Variants in EYS observed in about 807,000 individuals in gnomAD.
EYS encodes EGF-like photoreceptor maintenance factor, also known as protein eyes shut homolog.
A neutral mutation model predicts 282.1 loss-of-function variants in EYS; 250 were observed. That is an observed-to-expected ratio of 0.89 (90% CI 0.80 to 0.98). The LOEUF is 0.98. Among genes scored for constraint, EYS ranks in the 50% least tolerant of loss-of-function variants. EYS has a pLI of 0.00. For missense variants in EYS, 4,016 were observed against 3,709.0 expected (o/e 1.08, Z -2.15); for synonymous variants, 1,355 against 1,282.9 (o/e 1.06, Z -1.20).
chr6:65,006,520 A>AAAT (rs1554141479), intron 13 of EYS, among the ~76,000 whole-genome samples: 2 of 135,088 alleles, frequency 1.5e-5, no homozygotes, highest in African/African-American at 6.4e-5. Flanking sequence ...AAAAAAAAAA[A>AAAT]AAAGCAAAAA....
intron 12 of EYS, among the ~76,000 whole-genome samples, chr6:65,115,527 G>A (rs1318382917): frequency 1.3e-5 from 2 of 151,936 alleles, no homozygotes; most frequent in Non-Finnish European, 2.9e-5. Flanking sequence ...CTGACACTAT[G>A]TTAAAGGGAG....
At chr6:64,670,745 G>A (rs992779) in intron 22 of EYS, among the ~76,000 whole-genome samples, 144,854 of 152,204 alleles carry the variant, frequency 0.95, 69,326 homozygotes, top group East Asian at 1. Context: ...AAAGACATAA[G>A]TACATTTCAT....
intron 22 of EYS, among the ~76,000 whole-genome samples, chr6:64,686,390 G>T (rs938234085): frequency 4.0e-5 from 6 of 151,362 alleles, no homozygotes; most frequent in African/African-American, 4.8e-5. Context: ...GAAGTAAAAA[G>T]GAAATAAAAC....
intron 19 of EYS, among the ~76,000 whole-genome samples, chr6:64,845,148 G>A (rs1583216533): frequency 1.3e-5 from 2 of 151,964 alleles, no homozygotes; most frequent in East Asian, 1.9e-4. Flanking sequence ...AAAATTAGAC[G>A]ATTATGGTGG....
chr6:65,257,368 T>A, intron 12 of EYS, among the ~76,000 whole-genome samples: 1 of 110,272 alleles, frequency 9.1e-6, no homozygotes, highest in Non-Finnish European at 1.8e-5. Context: ...TGAATGGTAA[T>A]GCCTAGGTTT....
Position 65,264,469 on chromosome 6 carries a change from G to A in EYS, c.2023+31394C>T, listed in dbSNP as rs558568055. 3.3e-5 allele frequency among the ~76,000 whole-genome samples: 5 copies of A among 152,074 alleles called. No individual in the cohort carries two copies. In the South Asian group the frequency reaches 1.0e-3, roughly 32 times the overall value. On this transcript the variant is annotated intron_variant, in intron 12 of 42. Coordinates refer to ENST00000503581, the MANE Select transcript of EYS (RefSeq NM_001142800.2). Reference sequence around the variant, plus strand: ...ATTCACTTAAAACACCAAAAGTTTAGAAAATAAGTACACCTCAGAATAGAA... The same window carrying A: ...ATTCACTTAAAACACCAAAAGTTTAAAAAATAAGTACACCTCAGAATAGAA...
chr6:63,808,716 A>G (rs1770967035), intron 36 of EYS, among the ~76,000 whole-genome samples: 1 of 152,210 alleles, frequency 6.6e-6, no homozygotes, highest in Non-Finnish European at 1.5e-5. Flanking sequence ...GATGATAACC[A>G]TGACCCATAG....
At chr6:64,248,456 A>G (rs1038843481) in intron 30 of EYS, among the ~76,000 whole-genome samples, 1 of 152,190 alleles carries the variant, frequency 6.6e-6, no homozygotes, top group African/African-American at 2.4e-5. Flanking sequence ...AATGTAAAAA[A>G]GTAAAGAGAT....
At chr6:65,439,292 C>T (rs540596861) in intron 5 of EYS, among the ~76,000 whole-genome samples, 3 of 152,228 alleles carry the variant, frequency 2.0e-5, no homozygotes, top group Non-Finnish European at 2.9e-5. Context: ...ATATCTCCAG[C>T]TTTGTTCTTT....
intron 2 of EYS, among the ~76,000 whole-genome samples, chr6:65,507,801 T>A (rs561427251): frequency 6.6e-6 from 1 of 152,176 alleles, no homozygotes; most frequent in African/African-American, 2.4e-5. Flanking sequence ...TTTCTTAGAG[T>A]CTCCATCTCC....
chr6:64,181,382 A>T (rs189237805), intron 31 of EYS, among the ~76,000 whole-genome samples: 10 of 152,246 alleles, frequency 6.6e-5, no homozygotes, highest in Admixed American at 5.9e-4. Context: ...CTCTATAATG[A>T]TTATTCATTA....
rs1288225884 is a variant in EYS, at chr6:64,304,520, CTATATGTTAGG to C, written c.6191+2439_6191+2449del. ...CATGTGGAACATTTTCCAGGATAGA[CTATATGTTAGG>C]CCACAAATTAAATCTCAATAGATGG... On this transcript the variant is annotated intron_variant, in intron 30 of 42. Transcript: ENST00000503581. 7.9e-5 allele frequency among the ~76,000 whole-genome samples: 12 copies of C among 151,544 alleles called. No homozygotes were observed. In the East Asian group the frequency reaches 2.1e-3, roughly 27 times the overall value.
rs185821915 is a variant in EYS at position 64,268,387 on chromosome 6, T to G, written c.6192-37563A>C. Among the ~76,000 whole-genome samples, 277 of 152,246 alleles carry G rather than the reference T, an allele frequency of 1.8e-3. 1 individual carries two copies. The highest frequency in any genetic ancestry group is 3.3e-3 in the Admixed American group (51 of 15,260). On this transcript the variant is annotated intron_variant, in intron 30 of 42. Coordinates refer to ENST00000503581, the MANE Select transcript of EYS (RefSeq NM_001142800.2). ...ATTTTGGGGAATAGAGATAGAGTTC[T>G]GAGGTGGGAGAGAGAATCACTTCTA...
At chr6:65,510,351 AT>A (rs929193333) in intron 2 of EYS, among the ~76,000 whole-genome samples, 3 of 151,856 alleles carry the variant, frequency 2.0e-5, no homozygotes, top group Non-Finnish European at 4.4e-5. Context: ...TGAAATCATC[AT>A]TTTTATGGCT....
At chr6:65,182,072 G>A (rs1036419671) in intron 12 of EYS, among the ~76,000 whole-genome samples, 3 of 151,950 alleles carry the variant, frequency 2.0e-5, no homozygotes, top group Non-Finnish European at 4.4e-5. Flanking sequence ...TAGGGGTAGG[G>A]GGGAGGGATA....
chr6:64,274,184 C>T (rs1768031713), intron 30 of EYS, among the ~76,000 whole-genome samples: 2 of 150,302 alleles, frequency 1.3e-5, no homozygotes, highest in South Asian at 4.2e-4. Context: ...TTCATTTATT[C>T]ATTCATTCAT....
At chr6:65,482,700 AGT>A (rs1279775744) in intron 5 of EYS, among the ~76,000 whole-genome samples, 1 of 152,174 alleles carries the variant, frequency 6.6e-6, no homozygotes, top group East Asian at 1.9e-4. Context: ...ATTCTCTACT[AGT>A]CAGATTGGAT....
At chr6:64,750,739 A>G (rs956185869) in intron 22 of EYS, among the ~76,000 whole-genome samples, 1 of 152,218 alleles carries the variant, frequency 6.6e-6, no homozygotes, top group Non-Finnish European at 1.5e-5. Context: ...GATAATGCAT[A>G]GAGACTAACA....
At chr6:64,213,440 A>C (rs916537319) in intron 31 of EYS, among the ~76,000 whole-genome samples, 1 of 152,196 alleles carries the variant, frequency 6.6e-6, no homozygotes, top group Non-Finnish European at 1.5e-5. Flanking sequence ...AACACAATGA[A>C]TAGTTTGAGT....
Sources: allele counts gnomAD v4.1 joint callset (sites outside exome capture counted in the v4.1 genomes callset), GRCh38; gene constraint gnomAD v4.1.1; transcripts MANE v1.5; gene names NCBI Gene and HGNC (gene_info 2026-07-23, HGNC 2026-07-21).